MARCHF1: variants seen among roughly 807,000 people sequenced by gnomAD.
MARCHF1 encodes the protein E3 ubiquitin-protein ligase MARCHF1.
In MARCHF1, 40 loss-of-function variants were observed where a neutral mutation model predicts 54.2. That is an observed-to-expected ratio of 0.74 (90% CI 0.57 to 0.96). The LOEUF (loss-of-function observed/expected upper bound fraction) is 0.96. Ranked by LOEUF, MARCHF1 falls within the 40% of genes least tolerant of loss-of-function variation. The probability of loss-of-function intolerance (pLI) is 0.00; values close to 1 mark genes in which losing one functional copy is unlikely to be tolerated. For synonymous variants in MARCHF1, 236 were observed against 236.3 expected (o/e 1.00, Z 0.01); for missense variants, 586 against 656.5 (o/e 0.89, Z 1.17).
intron 2 of MARCHF1, among the ~76,000 whole-genome samples, chr4:164,040,266 TATA>T (rs575920081): frequency 2.8e-4 from 40 of 144,626 alleles, no homozygotes; most frequent in Middle Eastern, 5.1e-3. Flanking sequence ...TGTAATTACA[TATA>T]ATGTGTGTAT....
At chr4:164,252,257 C>A (rs559458807) in intron 1 of MARCHF1, among the ~76,000 whole-genome samples, 1 of 152,234 alleles carries the variant, frequency 6.6e-6, no homozygotes, top group African/African-American at 2.4e-5. Context: ...TCCCCTCCTG[C>A]ATCAAATCTG....
At chr4:163,908,764 G>A (rs1055354772) in intron 3 of MARCHF1, among the ~76,000 whole-genome samples, 8 of 152,042 alleles carry the variant, frequency 5.3e-5, no homozygotes, top group South Asian at 2.1e-4. Context: ...GTAATCCTGC[G>A]AGCATCTCCC....
intron 2 of MARCHF1, among the ~76,000 whole-genome samples, chr4:164,087,776 T>C (rs1397664598): frequency 1.3e-5 from 2 of 149,574 alleles, no homozygotes; most frequent in Admixed American, 6.8e-5. Context: ...CAAATCCTCA[T>C]TGTATTCCTT....
At chr4:164,101,034 C>T (rs112204887) in intron 2 of MARCHF1, among the ~76,000 whole-genome samples, 6,212 of 152,328 alleles carry the variant, frequency 0.041, 175 homozygotes, top group Middle Eastern at 0.099. Flanking sequence ...CACTCCCACC[C>T]GAATACTGCG....
In MARCHF1 at chr4:164,190,045, G is replaced by T; in HGVS notation, c.-322-78383C>A. The T allele has an allele frequency of 3.0e-6, 4 of 1,342,904 alleles. No homozygotes were observed. The South Asian group carries it at 3.5e-5, about 12-fold the overall frequency. 83.2% of individuals were successfully genotyped at this position (1,342,904 alleles called of 1,614,324 possible). A position where few individuals can be genotyped will look rare whatever the true frequency, so the allele number is the denominator to read the frequency against. The stretch of plus-strand genomic sequence containing the variant: ...GAGGAAGACACAAAGCTCAAGGAGT[G>T]CATTGATACTACAAATGAGCTGGAA... On this transcript the variant is annotated intron_variant, in intron 1 of 9. Transcript: ENST00000514618.
At chr4:163,587,998 C>A (rs1297864200) in intron 7 of MARCHF1, among the ~76,000 whole-genome samples, 11 of 152,082 alleles carry the variant, frequency 7.2e-5, no homozygotes, top group African/African-American at 2.7e-4. Context: ...CAGAAAGATA[C>A]AGGAACTGAA....
At chr4:163,930,219 C>A (rs2111391002) in intron 3 of MARCHF1, among the ~76,000 whole-genome samples, 1 of 151,186 alleles carries the variant, frequency 6.6e-6, no homozygotes. Context: ...AATCAACCCT[C>A]ATTTCTTGGG....
At chr4:164,371,740 T>A (rs182111515) in intron 1 of MARCHF1, among the ~76,000 whole-genome samples, 1 of 152,274 alleles carries the variant, frequency 6.6e-6, no homozygotes, top group Admixed American at 6.5e-5. Context: ...CTGACGGACA[T>A]GTAAGTTGCT....
chr4:164,235,279 C>G (rs546424679), intron 1 of MARCHF1, among the ~76,000 whole-genome samples: 2 of 152,152 alleles, frequency 1.3e-5, no homozygotes, highest in South Asian at 2.1e-4. Context: ...CCCTAAATAA[C>G]AAAAATATAC....
intron 3 of MARCHF1, among the ~76,000 whole-genome samples, chr4:163,898,176 C>T (rs1186389171): frequency 2.0e-5 from 3 of 147,238 alleles, no homozygotes; most frequent in African/African-American, 7.5e-5. Context: ...GTAACCAAAA[C>T]AAAAACAGAC....
chr4:163,736,428 G>C (rs1746035118), intron 4 of MARCHF1, among the ~76,000 whole-genome samples: 1 of 150,576 alleles, frequency 6.6e-6, no homozygotes, highest in African/African-American at 2.4e-5. Context: ...ACTCAAAACT[G>C]TATGCAATTT....
chr4:164,033,176 GAA>G (rs893008974), intron 2 of MARCHF1, among the ~76,000 whole-genome samples: 15 of 127,934 alleles, frequency 1.2e-4, no homozygotes, highest in Admixed American at 2.4e-4. Flanking sequence ...TCCATCTCGG[GAA>G]AAAAAAAAAA....
intron 3 of MARCHF1, among the ~76,000 whole-genome samples, chr4:163,946,028 A>G (rs1752018849): frequency 6.6e-6 from 1 of 152,140 alleles, no homozygotes; most frequent in Non-Finnish European, 1.5e-5. Flanking sequence ...AATTCCATAT[A>G]GCACCAAATT....
chr4:163,995,638 A>T (rs1044280730), intron 2 of MARCHF1, among the ~76,000 whole-genome samples: 4 of 152,130 alleles, frequency 2.6e-5, no homozygotes, highest in Admixed American at 6.6e-5. Context: ...AAGGGGTCAA[A>T]GACCAAATAT....
chr4:164,193,728 T>A (rs1463928691), intron 1 of MARCHF1, among the ~76,000 whole-genome samples: 2 of 152,112 alleles, frequency 1.3e-5, no homozygotes, highest in Non-Finnish European at 1.5e-5. Flanking sequence ...AATGAGTGGG[T>A]AAATGAACAA....
chr4:163,679,713 C>T (rs529550544), intron 5 of MARCHF1, among the ~76,000 whole-genome samples: 137 of 151,670 alleles, frequency 9.0e-4, no homozygotes, highest in Non-Finnish European at 1.8e-3. Context: ...CCCGGGTTCA[C>T]GCCATTCTCC....
At chr4:164,088,477 C>G (rs982786593) in intron 2 of MARCHF1, among the ~76,000 whole-genome samples, 1 of 152,152 alleles carries the variant, frequency 6.6e-6, no homozygotes, top group African/African-American at 2.4e-5. Context: ...GCAGCTCACA[C>G]CTGTAGTCCT....
chr4:163,950,298 C>T (rs1435721697), intron 3 of MARCHF1, among the ~76,000 whole-genome samples: 1 of 152,190 alleles, frequency 6.6e-6, no homozygotes, highest in Admixed American at 6.5e-5. Flanking sequence ...GCCCAAAGTC[C>T]AGAGGGGGCC....
chr4:163,643,914 G>C (rs2111042405), intron 5 of MARCHF1, among the ~76,000 whole-genome samples: 1 of 152,218 alleles, frequency 6.6e-6, no homozygotes, highest in East Asian at 1.9e-4. Context: ...ATGGAGATAG[G>C]AGTAATGAAG....
Sources: gnomAD v4.1 joint callset for allele counts (sites outside exome capture counted in the v4.1 genomes callset) on GRCh38, gnomAD v4.1.1 for gene constraint, MANE v1.5 for transcripts, NCBI Gene and HGNC (gene_info 2026-07-23, HGNC 2026-07-21) for gene names.